NDE1: variants seen among roughly 807,000 people sequenced by gnomAD.
NDE1 encodes nuclear distribution protein nudE homolog 1.
A neutral mutation model predicts 43.4 loss-of-function variants in NDE1; 28 were observed. The ratio of observed to expected loss-of-function variants is 0.65; its 90% CI spans 0.48 to 0.89. The LOEUF (loss-of-function observed/expected upper bound fraction) is 0.89. Among genes scored for constraint, NDE1 ranks in the 40% least tolerant of loss-of-function variants. The pLI is 0.00. For missense variants in NDE1, 441 were observed against 434.1 expected (o/e 1.02, Z -0.14); for synonymous variants, 184 against 172.0 (o/e 1.07, Z -0.55).
At chr16:15,647,473 C>T, upstream of NDE1, among the ~76,000 whole-genome samples, 1 of 151,938 alleles carries the variant, frequency 6.6e-6, no homozygotes, top group Non-Finnish European at 1.5e-5. Context: ...TAATGCTTTC[C>T]TGTGGTTCAT....
chr16:15,706,631 C>A (rs2039471472), intron 8 of NDE1, among the ~76,000 whole-genome samples: 1 of 151,866 alleles, frequency 6.6e-6, no homozygotes, highest in South Asian at 2.1e-4. Context: ...TGCTTGAACC[C>A]AGGAGGTGAA....
intron 3 of NDE1, among the ~76,000 whole-genome samples, chr16:15,668,573 T>A (rs912427793): frequency 6.6e-6 from 1 of 152,138 alleles, no homozygotes; most frequent in African/African-American, 2.4e-5. Context: ...AGGGAGACAT[T>A]TTTAGGGTAT....
chr16:15,706,805 T>G (rs768986720), intron 8 of NDE1, among the ~76,000 whole-genome samples: 1 of 152,240 alleles, frequency 6.6e-6, no homozygotes, highest in East Asian at 1.9e-4. Flanking sequence ...AGAGTCTATT[T>G]GCTAACTGGA....
chr16:15,690,047 CTTTA>C lies in NDE1; in HGVS notation c.524-1089_524-1086del, dbSNP rs1022074196. Among the ~76,000 whole-genome samples the C allele has an allele frequency of 1.4e-4, 21 of 151,622 alleles. No homozygotes were observed. The East Asian group carries it at 1.6e-3, about 11-fold the overall frequency. ...ATTTGGGGATAGTCTGGAAAGCATA[CTTTA>C]TTTATTTTTGAGACAGTCTTGCTCT... is the stretch of plus-strand genomic sequence containing the variant. On this transcript the variant is annotated intron_variant, in intron 5 of 8. Coordinates refer to ENST00000396354, the MANE Select transcript of NDE1 (RefSeq NM_017668.3).
At chr16:15,667,632 G>GTT (rs1278177492) in intron 3 of NDE1, among the ~76,000 whole-genome samples, 193 bp downstream of exon 3, 7 of 132,834 alleles carry the variant, frequency 5.3e-5, no homozygotes, top group Non-Finnish European at 7.9e-5. Context: ...TTTTTGTTTT[G>GTT]TTTTTTTTTT....
At chr16:15,663,714 A>G (rs1371998022) in intron 1 of NDE1, among the ~76,000 whole-genome samples, 1 of 152,164 alleles carries the variant, frequency 6.6e-6, no homozygotes, top group Non-Finnish European at 1.5e-5. Context: ...TATGCAATTT[A>G]TTGCATGTCA....
chr16:15,725,641 GC>G lies in NDE1; in HGVS notation c.*1391del. 1 of 400,116 alleles carries G rather than the reference GC, an allele frequency of 2.5e-6. No individual in the cohort carries two copies. 24.8% of individuals were successfully genotyped at this position (400,116 alleles called of 1,614,324 possible). Reference sequence around the variant, plus strand: ...TCTTGACACTGCTTATATGAGGGCGGCAAAAGCCCTGCTCTCAACTGCATGT... The same window carrying G: ...TCTTGACACTGCTTATATGAGGGCGGAAAAGCCCTGCTCTCAACTGCATGT... On this transcript the variant is annotated 3_prime_UTR_variant, in exon 9 of 9. Transcript: ENST00000396354.
At chr16:15,722,182 T>C (rs2151212881) in intron 8 of NDE1, among the ~76,000 whole-genome samples, 1 of 152,244 alleles carries the variant, frequency 6.6e-6, no homozygotes, top group East Asian at 1.9e-4. Context: ...TCGAAACCAC[T>C]AGACCTGCCC....
chr16:15,699,365 T>G (rs1487016601), intron 8 of NDE1, among the ~76,000 whole-genome samples: 1 of 151,704 alleles, frequency 6.6e-6, no homozygotes, highest in Non-Finnish European at 1.5e-5. Context: ...GCTCCAGCGA[T>G]CCTTCCACCT....
chr16:15,709,123 G>T (rs1011707099), intron 8 of NDE1, among the ~76,000 whole-genome samples: 1 of 149,906 alleles, frequency 6.7e-6, no homozygotes, highest in Non-Finnish European at 1.5e-5. Context: ...TGTATTTTTA[G>T]TACAGATGGG....
At chr16:15,703,904 T>G in intron 8 of NDE1, 1 of 1,582,646 alleles carries the variant, frequency 6.3e-7, no homozygotes, top group Non-Finnish European at 8.7e-7. Context: ...TGGGTTTTGC[T>G]TTGTTCTGGG....
rs531846632 is a variant in NDE1 at position 15,719,491 on chromosome 16, C to A, written c.948-4700C>A. The A allele has an allele frequency of 1.4e-5, 22 of 1,589,154 alleles. No individual in the cohort carries two copies. In the South Asian group the frequency reaches 2.3e-4, roughly 17 times the overall value. On this transcript the variant is annotated intron_variant, in intron 8 of 8. Transcript: ENST00000396354. The stretch of plus-strand genomic sequence containing the variant: ...TAGACAGGTGGACCCCAGAGGAGGA[C>A]GAAATGAAATCTGGGAATGCACAGA...
At chr16:15,720,692 C>G (rs2040419642) in intron 8 of NDE1, 3 of 894,568 alleles carry the variant, frequency 3.4e-6, no homozygotes, top group Non-Finnish European at 3.5e-6. Context: ...GAGATTACGC[C>G]ACTGCACTCC....
chr16:15,708,650 G>C (rs1204658035), intron 8 of NDE1, among the ~76,000 whole-genome samples: 2 of 152,190 alleles, frequency 1.3e-5, no homozygotes, highest in Non-Finnish European at 2.9e-5. Flanking sequence ...TTCAATGAAA[G>C]CTTTGCACAA....
At position 15,691,226 on chromosome 16, in the gene NDE1, A is replaced by G; in HGVS notation, c.606A>G (p.Thr202=). The change falls in exon 6 of 9, where the codon ACA becomes ACG. Residue 202 remains threonine, a synonymous_variant. Transcript: ENST00000396354. Reference sequence around the variant, plus strand: ...CCAGCTCAGTGGAAGCTGAGAGGACAGACACAGCTGTGCAGGCCACGGGCT... The same window carrying G: ...CCAGCTCAGTGGAAGCTGAGAGGACGGACACAGCTGTGCAGGCCACGGGCT... ...PMPSSVEAER[T]DTAVQATGSV... is the part of the protein sequence containing the mutation. 2.5e-6 allele frequency: 4 copies of G among 1,614,156 alleles called. No individual in the cohort carries two copies. Among genetic ancestry groups the G allele is most frequent in the Non-Finnish European group, 3.4e-6 (4 of 1,179,994 alleles).
chr16:15,687,010 T>C, intron 4 of NDE1: 1 of 985,398 alleles, frequency 1.0e-6, no homozygotes, highest in Non-Finnish European at 1.2e-6. Flanking sequence ...TTAGGTTATT[T>C]TTAATGCTGG....
Position 15,724,954 on chromosome 16 carries a change from G to GGCCTC in NDE1, c.*705_*709dup. On this transcript the variant is annotated 3_prime_UTR_variant, in exon 9 of 9. Transcript: ENST00000396354. ...TGGCCAGCTTAATGGCCTTCCCCTC[G>GGCCTC]GCCTCGTTAAGCATCCCTGTGACGC... The GGCCTC allele has an allele frequency of 1.2e-6, 2 of 1,614,046 alleles. No homozygotes were observed. Among genetic ancestry groups the GGCCTC allele is most frequent in the Non-Finnish European group, 1.7e-6 (2 of 1,180,022 alleles).
intron 3 of NDE1, among the ~76,000 whole-genome samples, chr16:15,671,538 A>G (rs1172825570): frequency 6.6e-6 from 1 of 152,038 alleles, no homozygotes; most frequent in Non-Finnish European, 1.5e-5. Context: ...GTTGTTTAGA[A>G]CACACATTGT....
Position 15,687,658 on chromosome 16 carries a change from G to A in NDE1, c.523+147G>A, listed in dbSNP as rs1186393495. ...TTGTCTAATCAGAGGGTGTCGGACT[G>A]CACTGGGCAGACTCTTGCCTTGGGC... On this transcript the variant is annotated intron_variant, in intron 5 of 8. Coordinates refer to ENST00000396354, the MANE Select transcript of NDE1 (RefSeq NM_017668.3). 2.0e-5 allele frequency: 16 copies of A among 803,900 alleles called. No individual in the cohort carries two copies. The Admixed American group carries it at 2.9e-4, about 15-fold the overall frequency. 49.8% of individuals were successfully genotyped at this position (803,900 alleles called of 1,614,324 possible).
Sources: gnomAD v4.1 joint callset for allele counts (sites outside exome capture counted in the v4.1 genomes callset) on GRCh38, gnomAD v4.1.1 for gene constraint, MANE v1.5 for transcripts, NCBI Gene and HGNC (gene_info 2026-07-23, HGNC 2026-07-21) for gene names.